The following TMEM132D variants were observed in gnomAD, a reference collection of about 807,000 sequenced individuals.
TMEM132D encodes transmembrane protein 132D.
Under a neutral mutation model 62.3 loss-of-function variants are expected in TMEM132D, and 21 were observed. The observed-to-expected ratio is 0.34, with a 90% confidence interval of 0.24 to 0.49. TMEM132D has a LOEUF of 0.49. Among genes scored for constraint, TMEM132D ranks in the 20% least tolerant of loss-of-function variants. The pLI is 0.99. For missense variants in TMEM132D, 1,346 were observed against 1,402.8 expected (o/e 0.96, Z 0.65); for synonymous variants, 621 against 575.6 (o/e 1.08, Z -1.13).
chr12:129,540,071 T>C (rs1210063596), intron 2 of TMEM132D, among the ~76,000 whole-genome samples: 1 of 152,156 alleles, frequency 6.6e-6, no homozygotes, highest in African/African-American at 2.4e-5. Context: ...GCTTTTATTT[T>C]TTTTTTTAAA....
intron 3 of TMEM132D, among the ~76,000 whole-genome samples, chr12:129,488,064 T>C (rs57765026): frequency 6.6e-6 from 1 of 151,428 alleles, no homozygotes; most frequent in African/African-American, 2.4e-5. Flanking sequence ...GGACATGGTG[T>C]CCTCAGCACA....
intron 2 of TMEM132D, among the ~76,000 whole-genome samples, chr12:129,598,504 T>C (rs1878402408): frequency 6.6e-6 from 1 of 152,232 alleles, no homozygotes; most frequent in Non-Finnish European, 1.5e-5. Flanking sequence ...TTGGATTTTC[T>C]GTTGTTGTTG....
intron 5 of TMEM132D, among the ~76,000 whole-genome samples, chr12:129,177,238 T>C (rs1435414774): frequency 1.3e-5 from 2 of 152,214 alleles, no homozygotes; most frequent in East Asian, 1.9e-4. Flanking sequence ...AAATCACCAA[T>C]ATTTATTGGG....
rs780098870 is a variant in TMEM132D at position 129,585,829 on chromosome 12, G to GTC, written c.969-54625_969-54624insGA. On this transcript the variant is annotated intron_variant, in intron 2 of 8. Coordinates refer to ENST00000422113, the MANE Select transcript of TMEM132D (RefSeq NM_133448.3). ...GATATGCATGCATGTGTGTGTGTGT[G>GTC]TGTGTGTGTGTCTGTGTGTGTGTGA... is the stretch of plus-strand genomic sequence containing the variant. Among the ~76,000 whole-genome samples, 28 of 151,450 alleles carry GTC rather than the reference G, an allele frequency of 1.8e-4. No individual in the cohort carries two copies. The South Asian group carries it at 5.9e-3, about 32-fold the overall frequency.
intron 5 of TMEM132D, among the ~76,000 whole-genome samples, chr12:129,125,711 T>G (rs538137874): frequency 6.6e-6 from 1 of 151,966 alleles, no homozygotes; most frequent in Non-Finnish European, 1.5e-5. Flanking sequence ...CTATGTTGCC[T>G]AGGCTGGCCT....
At chr12:129,703,979 T>C (rs186901783) in intron 1 of TMEM132D, among the ~76,000 whole-genome samples, 1 of 149,120 alleles carries the variant, frequency 6.7e-6, no homozygotes, top group Admixed American at 6.7e-5. Context: ...CTGCATGCCA[T>C]AGACTGCAAG....
intron 2 of TMEM132D, among the ~76,000 whole-genome samples, chr12:129,681,056 G>T (rs1171190971): frequency 6.6e-6 from 1 of 152,174 alleles, no homozygotes; most frequent in Non-Finnish European, 1.5e-5. Context: ...GGGTGATGTA[G>T]AGAACCTGTG....
intron 2 of TMEM132D, among the ~76,000 whole-genome samples, chr12:129,650,811 CTAA>C (rs1386099069): frequency 2.0e-5 from 3 of 152,216 alleles, no homozygotes; most frequent in Admixed American, 6.5e-5. Flanking sequence ...CATTTTATTT[CTAA>C]TATTATTCAC....
intron 5 of TMEM132D, among the ~76,000 whole-genome samples, chr12:129,166,580 A>C (rs1444244601): frequency 6.6e-6 from 1 of 151,764 alleles, no homozygotes; most frequent in Non-Finnish European, 1.5e-5. Flanking sequence ...CACAGAAACG[A>C]AGTCAAACCA....
chr12:129,172,330 A>C (rs1416339529), intron 5 of TMEM132D, among the ~76,000 whole-genome samples: 3 of 152,198 alleles, frequency 2.0e-5, no homozygotes, highest in African/African-American at 7.2e-5. Context: ...AAACTTTTTC[A>C]TATCAGCAAA....
intron 3 of TMEM132D, among the ~76,000 whole-genome samples, chr12:129,344,092 T>C (rs1228488641): frequency 6.6e-6 from 1 of 152,240 alleles, no homozygotes; most frequent in Non-Finnish European, 1.5e-5. Context: ...CTTTCGGGAA[T>C]GTCCTACTCT....
chr12:129,903,220 C>A lies in TMEM132D; in HGVS notation c.79+41G>T, dbSNP rs1178922478. ...CACACTCCCACACACTCACTCCAGGCGAAGTTAGTCCCCGGGCCCTGGCGG... is the reference window on the plus strand; with the variant it reads ...CACACTCCCACACACTCACTCCAGGAGAAGTTAGTCCCCGGGCCCTGGCGG... On this transcript the variant is annotated intron_variant, in intron 1 of 8. Coordinates refer to ENST00000422113, the MANE Select transcript of TMEM132D (RefSeq NM_133448.3). This position sits in a 1 kb window ranked among gnomAD's most constrained non-coding sequence, Gnocchi z 6.2. 3 of 1,547,020 alleles carry A rather than the reference C, an allele frequency of 1.9e-6. No homozygotes were observed. Among genetic ancestry groups the A allele is most frequent in the Non-Finnish European group, 1.7e-6 (2 of 1,143,174 alleles).
intron 1 of TMEM132D, among the ~76,000 whole-genome samples, chr12:129,721,609 G>A (rs1868833964): frequency 6.6e-6 from 1 of 152,036 alleles, no homozygotes; most frequent in South Asian, 2.1e-4. Context: ...GAGCCTTCCC[G>A]TTGATCTCCT....
chr12:129,638,556 A>ATAAAC (rs1879550770), intron 2 of TMEM132D, among the ~76,000 whole-genome samples: 1 of 44,982 alleles, frequency 2.2e-5, no homozygotes, highest in African/African-American at 7.3e-5. Flanking sequence ...AACATATATA[A>ATAAAC]ATATATAAAC....
intron 3 of TMEM132D, among the ~76,000 whole-genome samples, chr12:129,385,184 C>A (rs1034864712): frequency 4.8e-5 from 7 of 145,274 alleles, no homozygotes; most frequent in Non-Finnish European, 1.0e-4. Context: ...TGGCTCACTG[C>A]AACTTCCGCC....
intron 2 of TMEM132D, among the ~76,000 whole-genome samples, chr12:129,655,564 C>T (rs1025019777): frequency 2.0e-5 from 3 of 152,032 alleles, no homozygotes; most frequent in African/African-American, 7.2e-5. Context: ...TCCTTTTCTA[C>T]TTACCCTTCG....
chr12:129,556,994 C>T (rs1013767626), intron 2 of TMEM132D, among the ~76,000 whole-genome samples: 8 of 152,168 alleles, frequency 5.3e-5, no homozygotes, highest in Non-Finnish European at 1.0e-4. Context: ...TAACTATTGA[C>T]ATTTTAAAAT....
At chr12:129,530,145 T>C (rs942227849) in intron 3 of TMEM132D, among the ~76,000 whole-genome samples, 7 of 152,198 alleles carry the variant, frequency 4.6e-5, no homozygotes, top group African/African-American at 1.7e-4. Context: ...CACATTGGTT[T>C]CAAATGCTCC....
At chr12:129,638,895 T>A (rs1369386154) in intron 2 of TMEM132D, among the ~76,000 whole-genome samples, 1 of 151,896 alleles carries the variant, frequency 6.6e-6, no homozygotes, top group Non-Finnish European at 1.5e-5. Flanking sequence ...AGAGTGCACA[T>A]TAGATTAAGT....
Sources: gnomAD v4.1 joint callset for allele counts (sites outside exome capture counted in the v4.1 genomes callset) on GRCh38, gnomAD v4.1.1 for gene constraint, Gnocchi (gnomAD v3.1) non-coding constraint, MANE v1.5 for transcripts, NCBI Gene and HGNC (gene_info 2026-07-23, HGNC 2026-07-21) for gene names.